CNTNAP2: variants seen among roughly 807,000 people sequenced by gnomAD.
The protein encoded by CNTNAP2 is contactin-associated protein-like 2.
CNTNAP2 carries 98 observed loss-of-function variants against 155.2 expected under a neutral mutation model. The ratio of observed to expected loss-of-function variants is 0.63; its 90% CI spans 0.54 to 0.75. The LOEUF is 0.75. Ranked by LOEUF, CNTNAP2 falls within the 30% of genes least tolerant of loss-of-function variation. The pLI, the probability that CNTNAP2 is intolerant of heterozygous loss-of-function variation, is 0.00. For missense variants in CNTNAP2, 1,727 were observed against 1,688.1 expected (o/e 1.02, Z -0.40); for synonymous variants, 651 against 631.2 (o/e 1.03, Z -0.47).
intron 1 of CNTNAP2, among the ~76,000 whole-genome samples, chr7:146,644,908 A>G (rs894564423): frequency 6.6e-6 from 1 of 152,114 alleles, no homozygotes; most frequent in Admixed American, 6.6e-5. Flanking sequence ...AGGTACAAGG[A>G]GGAACTGGTA....
At chr7:146,187,159 G>A (rs1208089344) in intron 1 of CNTNAP2, among the ~76,000 whole-genome samples, 1 of 152,182 alleles carries the variant, frequency 6.6e-6, no homozygotes, top group Non-Finnish European at 1.5e-5. Context: ...AGGGAAGAGT[G>A]ATTCTGAGAG....
At chr7:148,161,072 G>T (rs1438203960) in intron 17 of CNTNAP2, among the ~76,000 whole-genome samples, 1 of 152,022 alleles carries the variant, frequency 6.6e-6, no homozygotes. Flanking sequence ...CCCCTCCAAG[G>T]ATATCTTTAT....
At chr7:148,380,025 A>G (rs183577352) in intron 21 of CNTNAP2, among the ~76,000 whole-genome samples, 223 of 152,358 alleles carry the variant, frequency 1.5e-3, no homozygotes, top group South Asian at 2.5e-3. Context: ...GAATTGTGTC[A>G]GTGTTTTAAG....
intron 3 of CNTNAP2, among the ~76,000 whole-genome samples, chr7:146,987,846 C>A (rs1798140959): frequency 6.6e-6 from 1 of 151,980 alleles, no homozygotes; most frequent in Non-Finnish European, 1.5e-5. Flanking sequence ...CAATGGTTAA[C>A]AATAAGGTGG....
At chr7:146,135,933 G>A (rs1021267593) in intron 1 of CNTNAP2, among the ~76,000 whole-genome samples, 5 of 151,950 alleles carry the variant, frequency 3.3e-5, no homozygotes, top group Admixed American at 6.6e-5. Flanking sequence ...CAAATACTCT[G>A]TCCTCTTGTT....
intron 12 of CNTNAP2, among the ~76,000 whole-genome samples, chr7:147,578,482 A>G (rs1327881767): frequency 6.6e-6 from 1 of 152,092 alleles, no homozygotes; most frequent in Non-Finnish European, 1.5e-5. Flanking sequence ...TTGCTCTCCC[A>G]TTAACGGTAG....
At chr7:147,149,820 G>T (rs530104875) in intron 8 of CNTNAP2, among the ~76,000 whole-genome samples, 1 of 152,292 alleles carries the variant, frequency 6.6e-6, no homozygotes, top group Admixed American at 6.5e-5. Flanking sequence ...GCATAATCCA[G>T]GAGTAAGTAA....
At chr7:146,902,001 G>A (rs554625172) in intron 3 of CNTNAP2, among the ~76,000 whole-genome samples, 2 of 146,716 alleles carry the variant, frequency 1.4e-5, no homozygotes, top group African/African-American at 5.0e-5. Context: ...TCAGCCTCCC[G>A]CATAGTTGGG....
chr7:146,580,914 C>T (rs999691352), intron 1 of CNTNAP2, among the ~76,000 whole-genome samples: 4 of 151,988 alleles, frequency 2.6e-5, no homozygotes, highest in African/African-American at 9.7e-5. Context: ...GACACTCTCA[C>T]CTCAAATTTG....
chr7:148,343,676 T>G, intron 21 of CNTNAP2, among the ~76,000 whole-genome samples: 1 of 152,184 alleles, frequency 6.6e-6, no homozygotes, highest in East Asian at 1.9e-4. Flanking sequence ...ATGTCAACTT[T>G]CAAAAATACT....
chr7:147,543,478 A>G (rs962459947), intron 11 of CNTNAP2, among the ~76,000 whole-genome samples: 1 of 152,236 alleles, frequency 6.6e-6, no homozygotes, highest in African/African-American at 2.4e-5. Context: ...GCTCCCAAAA[A>G]TGACACCTAC....
chr7:147,702,211 A>G (rs1485582516), intron 13 of CNTNAP2, among the ~76,000 whole-genome samples: 1 of 152,080 alleles, frequency 6.6e-6, no homozygotes, highest in East Asian at 1.9e-4. Context: ...TCTACAAGAT[A>G]TGACTCTGAA....
At chr7:147,102,299 A>C (rs1222580515) in intron 4 of CNTNAP2, among the ~76,000 whole-genome samples, 2 of 151,502 alleles carry the variant, frequency 1.3e-5, no homozygotes, top group Admixed American at 6.6e-5. Context: ...AAAAAAAAAG[A>C]AGCTCAAGAA....
chr7:147,260,423 G>A (rs866959546), intron 8 of CNTNAP2, among the ~76,000 whole-genome samples: 2 of 151,966 alleles, frequency 1.3e-5, no homozygotes, highest in Non-Finnish European at 2.9e-5. Context: ...AATATTATGG[G>A]GAAAAATTTT....
intron 1 of CNTNAP2, among the ~76,000 whole-genome samples, chr7:146,456,354 T>C (rs906549230): frequency 6.6e-6 from 1 of 152,210 alleles, no homozygotes; most frequent in African/African-American, 2.4e-5. Flanking sequence ...GCTGGTCAAA[T>C]GAAAGTTCTT....
intron 1 of CNTNAP2, among the ~76,000 whole-genome samples, chr7:146,562,756 G>A (rs1197303635): frequency 1.3e-5 from 2 of 151,828 alleles, no homozygotes; most frequent in African/African-American, 4.8e-5. Flanking sequence ...CTAAATCTAT[G>A]GCTAAAATTG....
At chr7:148,230,876 G>A (rs754714548) in intron 20 of CNTNAP2, among the ~76,000 whole-genome samples, 37 of 152,260 alleles carry the variant, frequency 2.4e-4, no homozygotes, top group Middle Eastern at 3.4e-3. Context: ...CATTAGGGGT[G>A]ACAAATTCTT....
At chr7:146,288,793 ATT>A (rs757136036) in intron 1 of CNTNAP2, among the ~76,000 whole-genome samples, 117 of 100,020 alleles carry the variant, frequency 1.2e-3, no homozygotes, top group African/African-American at 5.6e-3. Context: ...AAAATTAGTA[ATT>A]TTTTTTTTTT....
At chr7:147,700,693 A>G (rs931016740) in intron 13 of CNTNAP2, among the ~76,000 whole-genome samples, 1 of 152,240 alleles carries the variant, frequency 6.6e-6, no homozygotes, top group African/African-American at 2.4e-5. Context: ...TTGCTCCCAC[A>G]GTGCTATACT....
Sources: allele counts gnomAD v4.1 joint callset (sites outside exome capture counted in the v4.1 genomes callset), GRCh38; gene constraint gnomAD v4.1.1; transcripts MANE v1.5; gene names NCBI Gene and HGNC (gene_info 2026-07-23, HGNC 2026-07-21).